Variants in PKHD1L1 observed in about 807,000 individuals in gnomAD.
PKHD1L1 encodes fibrocystin-L.
Under a neutral mutation model 462.9 loss-of-function variants are expected in PKHD1L1, and 434 were observed. That is an observed-to-expected ratio of 0.94 (90% CI 0.87 to 1.02). The LOEUF (loss-of-function observed/expected upper bound fraction) is 1.02, where lower values mean the gene tolerates loss of function less well. Among genes scored for constraint, PKHD1L1 ranks in the 50% least tolerant of loss-of-function variants. The pLI, the probability that PKHD1L1 is intolerant of heterozygous loss-of-function variation, is 0.00. For missense variants in PKHD1L1, 5,202 were observed against 5,096.1 expected (o/e 1.02, Z -0.63); for synonymous variants, 1,781 against 1,750.0 (o/e 1.02, Z -0.44).
intron 2 of PKHD1L1, among the ~76,000 whole-genome samples, chr8:109,374,868 C>T (rs1195090086): frequency 6.6e-6 from 1 of 152,176 alleles, no homozygotes; most frequent in Non-Finnish European, 1.5e-5. Flanking sequence ...GCCGAGAGAT[C>T]AGCTGTTAGT....
chr8:109,432,529 C>CATCT (rs1254102574), intron 27 of PKHD1L1, among the ~76,000 whole-genome samples: 4 of 151,094 alleles, frequency 2.6e-5, no homozygotes, highest in Admixed American at 1.3e-4. Context: ...TCTATCTATC[C>CATCT]ATCTATCTAT....
chr8:109,484,879 A>C (rs1017816193), intron 57 of PKHD1L1, among the ~76,000 whole-genome samples, 165 bp from the exon 58 acceptor site: 2 of 151,978 alleles, frequency 1.3e-5, no homozygotes, highest in African/African-American at 4.8e-5. Context: ...TATCAAACAC[A>C]AGCATATATA....
At chr8:109,476,694 G>T (rs1245514355) in intron 52 of PKHD1L1, 27 bp downstream of exon 52, 2 of 1,560,430 alleles carry the variant, frequency 1.3e-6, no homozygotes, top group African/African-American at 2.7e-5. Context: ...AGAAATGATA[G>T]TTTATCTAAT....
At chr8:109,453,383 C>T (rs1445991697) in intron 43 of PKHD1L1, among the ~76,000 whole-genome samples, 1 of 152,122 alleles carries the variant, frequency 6.6e-6, no homozygotes, top group Non-Finnish European at 1.5e-5. Flanking sequence ...TATGTTGTTG[C>T]CTGGGTTTGT....
chr8:109,440,904 A>T (rs371170775), intron 33 of PKHD1L1, 52 bp downstream of exon 33: 58 of 1,562,752 alleles, frequency 3.7e-5, no homozygotes, highest in Non-Finnish European at 5.0e-5. Context: ...AGCTTAAAGG[A>T]TATACTACAG....
chr8:109,485,283 C>T (rs868257085), intron 58 of PKHD1L1, 110 bp downstream of exon 58: 2 of 1,032,296 alleles, frequency 1.9e-6, no homozygotes, highest in Non-Finnish European at 1.4e-6. Context: ...GTTAAAGGAG[C>T]ATTTTATTCA....
intron 2 of PKHD1L1, among the ~76,000 whole-genome samples, chr8:109,381,047 G>A (rs941319656): frequency 6.6e-6 from 1 of 152,098 alleles, no homozygotes; most frequent in Non-Finnish European, 1.5e-5. Flanking sequence ...ATGTGGAATC[G>A]GGATACTTGT....
chr8:109,453,023 C>CAAATGGATTGT, intron 43 of PKHD1L1, 149 bp downstream of exon 43: 1 of 617,662 alleles, frequency 1.6e-6, no homozygotes, highest in Non-Finnish European at 2.4e-6. Context: ...TTGAGTATTA[C>CAAATGGATTGT]AATCCATTTG....
rs773462520 is a variant in PKHD1L1, at chr8:109,435,301, T to A, written c.3452T>A (p.Phe1151Tyr). Residue 1151 changes from phenylalanine to tyrosine, a missense_variant, in exon 29 of 78, where the codon TTT becomes TAT. Physicochemically the swap from Phe to Tyr is conservative, Grantham distance 22. Around this residue, in one of 3 missense-constraint regions of PKHD1L1, gnomAD observed 4,497 missense variants for 4,336.8 expected, o/e 1.04. Transcript: ENST00000378402. Reference sequence around the variant, plus strand: ...AATGTAGGGGGTGAAGAGTTCTACTTTGTTTATCAGAGTCAGATCTCACAT... The same window carrying A: ...AATGTAGGGGGTGAAGAGTTCTACTATGTTTATCAGAGTCAGATCTCACAT... ...AQNVGGEEFY[F>Y]VYQSQISHIW... 3 of 1,613,854 alleles carry A rather than the reference T, an allele frequency of 1.9e-6. No homozygotes were observed. The highest frequency in any genetic ancestry group is 2.5e-6 in the Non-Finnish European group (3 of 1,179,778).
intron 9 of PKHD1L1, 32 bp downstream of exon 9, chr8:109,390,526 A>T (rs1243841805): frequency 8.1e-7 from 1 of 1,241,416 alleles, no homozygotes; most frequent in Non-Finnish European, 1.1e-6. Context: ...AACTTTTATA[A>T]TTGATTCAAC....
Position 109,508,263 on chromosome 8 carries a change from T to C in PKHD1L1, c.11394T>C (p.Asn3798=), listed in dbSNP as rs371216848. Residue 3798 remains asparagine, a splice_region_variant and synonymous_variant, in exon 70 of 78, where the codon AAT becomes AAC. Coordinates refer to ENST00000378402, the MANE Select transcript of PKHD1L1 (RefSeq NM_177531.6). Reference sequence around the variant, plus strand: ...GCAACGGTTATGTTGATCTTATTAATGGTAGGTATTCAATATGAGTAAACT... The same window carrying C: ...GCAACGGTTATGTTGATCTTATTAACGGTAGGTATTCAATATGAGTAAACT... ...IMGNGYVDLI[N]GPQDHGWCAG... 18 of 1,601,720 alleles carry C rather than the reference T, an allele frequency of 1.1e-5. No individual in the cohort carries two copies. Among genetic ancestry groups the C allele is most frequent in the Non-Finnish European group, 1.5e-5 (18 of 1,175,396 alleles).
At chr8:109,426,789 A>T (rs1165211365) in intron 24 of PKHD1L1, among the ~76,000 whole-genome samples, 1 of 152,104 alleles carries the variant, frequency 6.6e-6, no homozygotes, top group African/African-American at 2.4e-5. Flanking sequence ...AGTAGCTGGG[A>T]TTACAGGCAC....
chr8:109,428,744 A>G (rs2130684322), intron 25 of PKHD1L1, among the ~76,000 whole-genome samples: 1 of 152,282 alleles, frequency 6.6e-6, no homozygotes, highest in South Asian at 2.1e-4. Flanking sequence ...ATGGCCCAGC[A>G]TGGAGACTCC....
intron 70 of PKHD1L1, among the ~76,000 whole-genome samples, 157 bp downstream of exon 70, chr8:109,508,421 C>A (rs1429780976): frequency 1.3e-5 from 2 of 152,018 alleles, no homozygotes; most frequent in African/African-American, 4.8e-5. Context: ...AGGGGAGAGA[C>A]TTGATCCTGC....
At chr8:109,470,497 C>A in intron 50 of PKHD1L1, 1 of 1,610,416 alleles carries the variant, frequency 6.2e-7, no homozygotes, top group South Asian at 1.1e-5. Context: ...ATCACAGCAA[C>A]TGGCTGGAAA....
rs1819768395 is a variant in PKHD1L1 at position 109,507,783 on chromosome 8, T to C, written c.11115T>C (p.Tyr3705=). Residue 3705 remains tyrosine, a synonymous_variant, in exon 69 of 78, where the codon TAT becomes TAC. Coordinates refer to ENST00000378402, the MANE Select transcript of PKHD1L1 (RefSeq NM_177531.6). ...NAGSVIPQAE[Y]EWDGNSQVGI... ...GTTCTGTGATACCTCAAGCAGAATA[T>C]GAATGGGACGGAAACAGCCAAGTAG... The C allele has an allele frequency of 2.5e-6, 4 of 1,613,356 alleles. No homozygotes were observed. Among genetic ancestry groups the C allele is most frequent in the South Asian group, 1.1e-5 (1 of 91,078 alleles).
chr8:109,402,905 T>G (rs1813347445), intron 14 of PKHD1L1, among the ~76,000 whole-genome samples: 1 of 151,938 alleles, frequency 6.6e-6, no homozygotes, highest in Non-Finnish European at 1.5e-5. Context: ...TTTCATTCCT[T>G]TTTTATCCTC....
chr8:109,466,397 G>A (rs767622283), intron 49 of PKHD1L1, among the ~76,000 whole-genome samples, 181 bp from the exon 50 acceptor site: 1 of 152,064 alleles, frequency 6.6e-6, no homozygotes, highest in Non-Finnish European at 1.5e-5. Context: ...CCTGACCAAA[G>A]AGCCACTGCA....
rs749319433 is a variant in PKHD1L1, at chr8:109,427,397, A to T, written c.3000+241A>T. Among the ~76,000 whole-genome samples, 66 of 152,278 alleles carry T rather than the reference A, an allele frequency of 4.3e-4. 1 individual carries two copies. Among genetic ancestry groups the T allele is most frequent in the Admixed American group, 8.5e-4 (13 of 15,300 alleles). On this transcript the variant is annotated intron_variant, in intron 25 of 77. Transcript: ENST00000378402. ...CATATCCCACTTAGAAAAAGTCCAG[A>T]AATATGTGTGTTAGAATCCCCTTGA... is the stretch of plus-strand genomic sequence containing the variant.
Sources: gnomAD v4.1 joint callset for allele counts (sites outside exome capture counted in the v4.1 genomes callset) on GRCh38, gnomAD v4.1.1 for gene constraint, gnomAD v4.1.1 regional missense constraint, MANE v1.5 for transcripts, NCBI Gene and HGNC (gene_info 2026-07-23, HGNC 2026-07-21) for gene names.